The following SLIRP variants were observed in gnomAD, a reference collection of about 807,000 sequenced individuals.
The protein encoded by SLIRP is SRA stem-loop-interacting RNA-binding protein, mitochondrial.
SLIRP carries 12 observed loss-of-function variants against 13.4 expected under a neutral mutation model. The observed-to-expected ratio is 0.89, with a 90% confidence interval of 0.57 to 1.45. The LOEUF (loss-of-function observed/expected upper bound fraction) is 1.45. Among genes scored for constraint, SLIRP ranks in the 40% most tolerant of loss-of-function variants. SLIRP has a pLI of 0.00. For synonymous variants in SLIRP, 55 were observed against 47.1 expected (o/e 1.17, Z -0.69); for missense variants, 154 against 132.2 (o/e 1.17, Z -0.81).
upstream of SLIRP, chr14:77,708,077 G>A (rs775904916): frequency 5.6e-6 from 9 of 1,610,108 alleles, no homozygotes; most frequent in Non-Finnish European, 7.6e-6. Context: ...TTCCGGGGCC[G>A]CGACCTCGGC....
At chr14:77,713,853 C>CA (rs1370445458) in intron 2 of SLIRP, among the ~76,000 whole-genome samples, 2 of 151,560 alleles carry the variant, frequency 1.3e-5, no homozygotes, top group Non-Finnish European at 2.9e-5. Flanking sequence ...AAGTTCCTTG[C>CA]AAAAAAATGA....
intron 2 of SLIRP, 152 bp downstream of exon 2, chr14:77,711,048 T>G: frequency 1.4e-6 from 1 of 739,588 alleles, no homozygotes; most frequent in Non-Finnish European, 2.2e-6. Flanking sequence ...ATTGGATTAT[T>G]TGTAACTCAA....
At chr14:77,708,297 T>C in intron 1 of SLIRP, 89 bp downstream of exon 1, 2 of 1,343,036 alleles carry the variant, frequency 1.5e-6, no homozygotes, top group East Asian at 2.3e-5. Context: ...TAAGTCAGCG[T>C]GGTGGCTGAA....
At chr14:77,712,107 A>G (rs1023807712) in intron 2 of SLIRP, 1 of 152,316 alleles carries the variant, frequency 6.6e-6, no homozygotes. Flanking sequence ...TAATGGCTCA[A>G]AAACAACACA....
intron 1 of SLIRP, among the ~76,000 whole-genome samples, chr14:77,708,434 G>A (rs1166910905): frequency 6.6e-6 from 1 of 152,212 alleles, no homozygotes; most frequent in Admixed American, 6.5e-5. Context: ...GAGTGATTTG[G>A]TGTAAAGATT....
intron 2 of SLIRP, among the ~76,000 whole-genome samples, chr14:77,712,948 A>G (rs930608628): frequency 6.6e-6 from 1 of 151,978 alleles, no homozygotes; most frequent in East Asian, 1.9e-4. Context: ...TATACAGAAC[A>G]TAATCACAGG....
At chr14:77,714,941 A>G (rs539208928) in intron 2 of SLIRP, among the ~76,000 whole-genome samples, 1 of 152,348 alleles carries the variant, frequency 6.6e-6, no homozygotes, top group East Asian at 1.9e-4. Context: ...TGCGATGTAT[A>G]GGTTGAAACT....
At chr14:77,716,101 G>C in intron 3 of SLIRP, 2 of 356,022 alleles carry the variant, frequency 5.6e-6, no homozygotes, top group Non-Finnish European at 1.0e-5. Context: ...CGGATCACAA[G>C]GTCAGGAGAT....
intron 2 of SLIRP, among the ~76,000 whole-genome samples, chr14:77,715,284 A>G (rs925576017): frequency 2.0e-5 from 3 of 152,166 alleles, no homozygotes; most frequent in African/African-American, 7.2e-5. Flanking sequence ...TTAACAACAC[A>G]GGGATTTAGC....
At chr14:77,716,417 CG>C (rs536552227) in intron 3 of SLIRP, 7 of 151,434 alleles carry the variant, frequency 4.6e-5, no homozygotes, top group Non-Finnish European at 1.0e-4. Context: ...GAGGCCGAGG[CG>C]GGGGGGATCA....
At position 77,717,588 on chromosome 14, in the gene SLIRP, A is replaced by G. The variant is rs1210943904; in HGVS notation, c.*27A>G. 9 of 1,575,590 alleles carry G rather than the reference A, an allele frequency of 5.7e-6. No individual in the cohort carries two copies. Among genetic ancestry groups the G allele is most frequent in the Admixed American group, 1.7e-5 (1 of 57,900 alleles). ...ACTGCAGCCTATTAATAAAGTTAAC[A>G]TAACTGAGAATTTTGTCTAAATGTT... On this transcript the variant is annotated 3_prime_UTR_variant, in exon 4 of 4. Coordinates refer to ENST00000557342, the MANE Select transcript of SLIRP (RefSeq NM_031210.6).
At chr14:77,716,676 A>C in intron 3 of SLIRP, among the ~76,000 whole-genome samples, 1 of 149,620 alleles carries the variant, frequency 6.7e-6, no homozygotes, top group Non-Finnish European at 1.5e-5. Flanking sequence ...GGGGGGTGGT[A>C]GAGTGCCCAG....
Position 77,715,894 on chromosome 14 carries a change from A to C in SLIRP, c.264+15A>C, listed in dbSNP as rs768049648. Reference sequence around the variant, plus strand: ...ATGGAGTAAAGGTAAATTTATTTCTATGCCAGATACATACATGATATACAT... The same window carrying C: ...ATGGAGTAAAGGTAAATTTATTTCTCTGCCAGATACATACATGATATACAT... On this transcript the variant is annotated intron_variant, in intron 3 of 3. Coordinates refer to ENST00000557342, the MANE Select transcript of SLIRP (RefSeq NM_031210.6). The C allele has an allele frequency of 1.9e-6, 3 of 1,565,724 alleles. No homozygotes were observed. Among genetic ancestry groups the C allele is most frequent in the Middle Eastern group, 1.7e-4 (1 of 5,998 alleles).
At chr14:77,709,202 G>C (rs982969368) in intron 1 of SLIRP, among the ~76,000 whole-genome samples, 5 of 152,172 alleles carry the variant, frequency 3.3e-5, no homozygotes, top group Non-Finnish European at 7.3e-5. Flanking sequence ...ATTTTTGTCA[G>C]CTGCAGTTTT....
intron 2 of SLIRP, among the ~76,000 whole-genome samples, chr14:77,714,454 C>T (rs1256716268): frequency 6.6e-6 from 1 of 152,222 alleles, no homozygotes; most frequent in Admixed American, 6.5e-5. Context: ...GCATGGGCCA[C>T]CACACCCAGC....
chr14:77,711,014 C>T, intron 2 of SLIRP, 118 bp downstream of exon 2: 1 of 861,538 alleles, frequency 1.2e-6, no homozygotes, highest in Non-Finnish European at 1.9e-6. Flanking sequence ...AATAATTGTA[C>T]ATTTTAAAAT....
chr14:77,717,573 A>AT lies in SLIRP; in HGVS notation c.*14dup. 6.2e-7 allele frequency: 1 copy of AT among 1,606,156 alleles called. No homozygotes were observed. Among genetic ancestry groups the AT allele is most frequent in the Non-Finnish European group, 8.5e-7 (1 of 1,174,732 alleles). On this transcript the variant is annotated 3_prime_UTR_variant, in exon 4 of 4. Coordinates refer to ENST00000557342, the MANE Select transcript of SLIRP (RefSeq NM_031210.6). ...AGAAAGATTTTTGAGACTGCAGCCT[A>AT]TTAATAAAGTTAACATAACTGAGAA...
chr14:77,713,563 A>G (rs984415875), intron 2 of SLIRP, among the ~76,000 whole-genome samples: 3 of 152,240 alleles, frequency 2.0e-5, no homozygotes, highest in Non-Finnish European at 4.4e-5. Context: ...TTGGCAAAAT[A>G]CCAAAGTTAA....
rs747576828 is a variant in SLIRP, at chr14:77,717,579, A to AAAGTT, written c.*21_*25dup. On this transcript the variant is annotated 3_prime_UTR_variant, in exon 4 of 4. Transcript: ENST00000557342. ...ATTTTTGAGACTGCAGCCTATTAAT[A>AAAGTT]AAGTTAACATAACTGAGAATTTTGT... The AAAGTT allele has an allele frequency of 6.3e-7, 1 of 1,598,892 alleles. No homozygotes were observed. The highest frequency in any genetic ancestry group is 1.7e-5 in the Admixed American group (1 of 59,198).
Sources: gnomAD v4.1 joint callset for allele counts (sites outside exome capture counted in the v4.1 genomes callset) on GRCh38, gnomAD v4.1.1 for gene constraint, MANE v1.5 for transcripts, NCBI Gene and HGNC (gene_info 2026-07-23, HGNC 2026-07-21) for gene names.